PIEZO2: variants seen among roughly 807,000 people sequenced by gnomAD.
The protein encoded by PIEZO2 is piezo-type mechanosensitive ion channel component 2.
PIEZO2 carries 172 observed loss-of-function variants against 337.3 expected under a neutral mutation model. The ratio of observed to expected loss-of-function variants is 0.51; its 90% CI spans 0.45 to 0.58. The LOEUF (loss-of-function observed/expected upper bound fraction) is 0.58. Ranked by LOEUF, PIEZO2 falls within the 20% of genes least tolerant of loss-of-function variation. The pLI is 0.00. For synonymous variants in PIEZO2, 1,251 were observed against 1,228.5 expected (o/e 1.02, Z -0.38); for missense variants, 3,028 against 3,391.3 (o/e 0.89, Z 2.66).
Position 11,111,457 on chromosome 18 carries a change from G to A in PIEZO2, c.64+37068C>T, listed in dbSNP as rs1351807587. ...TACCATCTGGCAAAACTAGGCTCACGTGGCACGTGGCAACAATAGGCTGCC... is the reference window on the plus strand; with the variant it reads ...TACCATCTGGCAAAACTAGGCTCACATGGCACGTGGCAACAATAGGCTGCC... On this transcript the variant is annotated intron_variant, in intron 1 of 55. Coordinates refer to ENST00000674853, the MANE Select transcript of PIEZO2 (RefSeq NM_001378183.1). This position sits in a 1 kb window ranked among gnomAD's most constrained non-coding sequence, Gnocchi z 6.2. 2.0e-5 allele frequency among the ~76,000 whole-genome samples: 3 copies of A among 152,098 alleles called. No homozygotes were observed. The highest frequency in any genetic ancestry group is 4.4e-5 in the Non-Finnish European group (3 of 68,022).
At position 11,038,585 on chromosome 18, in the gene PIEZO2, C is replaced by T. The variant is rs2037005201; in HGVS notation, c.160+27542G>A. On this transcript the variant is annotated intron_variant, in intron 2 of 55. Transcript: ENST00000674853. This position sits in a 1 kb window ranked among gnomAD's most constrained non-coding sequence, Gnocchi z 4.1. ...ACTGAATGTATCTATGACCTGTGAA[C>T]ACCCCACAGTGCAGCTGAGGAGCAG... 6.6e-6 allele frequency among the ~76,000 whole-genome samples: 1 copy of T among 152,162 alleles called. No individual in the cohort carries two copies. The highest frequency in any genetic ancestry group is 1.9e-4 in the East Asian group (1 of 5,190).
intron 1 of PIEZO2, among the ~76,000 whole-genome samples, chr18:11,145,093 G>C (rs1478619992): frequency 6.6e-6 from 1 of 152,142 alleles, no homozygotes; most frequent in Admixed American, 6.5e-5. Context: ...GCATAATATG[G>C]AAAGTCTTTA....
intron 3 of PIEZO2, among the ~76,000 whole-genome samples, chr18:10,917,367 G>C (rs2031061934): frequency 6.6e-6 from 1 of 151,980 alleles, no homozygotes; most frequent in Non-Finnish European, 1.5e-5. Context: ...TTTTTAACAG[G>C]CTCCTTTCAT....
chr18:11,072,378 A>G (rs1355558156), intron 1 of PIEZO2, among the ~76,000 whole-genome samples: 1 of 152,208 alleles, frequency 6.6e-6, no homozygotes, highest in Non-Finnish European at 1.5e-5. Context: ...AATGTAATAA[A>G]TAGAACATTT....
chr18:10,757,348 A>T (rs2037913912), intron 27 of PIEZO2, among the ~76,000 whole-genome samples: 2 of 143,796 alleles, frequency 1.4e-5, no homozygotes, highest in Admixed American at 1.4e-4. Context: ...GAGAAGAGGA[A>T]TGGAGGGTGA....
intron 1 of PIEZO2, among the ~76,000 whole-genome samples, chr18:11,086,775 G>T (rs78620389): frequency 0.17 from 25,628 of 151,502 alleles, 2,437 homozygotes; most frequent in African/African-American, 0.24. Flanking sequence ...TTTTTAACAG[G>T]AAGAGGAGCT....
At chr18:10,705,315 A>G (rs931142502) in intron 41 of PIEZO2, 21 bp downstream of exon 41, 34 of 1,515,266 alleles carry the variant, frequency 2.2e-5, no homozygotes, top group Non-Finnish European at 3.0e-5. Flanking sequence ...TATGTGTCTG[A>G]TCTGTTCACT....
rs1238241692 is a variant in PIEZO2, at chr18:10,773,319, C to T, written c.2785+93G>A. 9.2e-6 allele frequency: 12 copies of T among 1,297,802 alleles called. No homozygotes were observed. The highest frequency in any genetic ancestry group is 1.5e-5 in the African/African-American group (1 of 67,952). The allele number at this position is 1,297,802 out of a possible 1,614,324, so 80.4% of individuals were successfully genotyped here. On this transcript the variant is annotated intron_variant, in intron 20 of 55. Coordinates refer to ENST00000674853, the MANE Select transcript of PIEZO2 (RefSeq NM_001378183.1). The surrounding 1 kb of genome is among the most constrained non-coding windows in gnomAD (Gnocchi z 5.3). ...CCAATTTTTATGTCATGGACTGGGT[C>T]AAATATATATTCTTTTGGAGCAAGT...
rs146404466 is a variant in PIEZO2, at chr18:10,759,294, T to C, written c.3757+188A>G. Reference sequence around the variant, plus strand: ...ATATGGCATTTCCAACACTGATTTATTAATTTTGCAAATGTAATAGGGTGA... The same window carrying C: ...ATATGGCATTTCCAACACTGATTTACTAATTTTGCAAATGTAATAGGGTGA... On this transcript the variant is annotated intron_variant, in intron 26 of 55. Transcript: ENST00000674853. The surrounding 1 kb of genome is among the most constrained non-coding windows in gnomAD (Gnocchi z 5.5). Among the ~76,000 whole-genome samples the C allele has an allele frequency of 1.5e-3, 221 of 152,276 alleles. No individual in the cohort carries two copies. The highest frequency in any genetic ancestry group is 4.4e-3 in the African/African-American group (181 of 41,556).
chr18:10,972,648 G>T (rs2034288579), intron 3 of PIEZO2, among the ~76,000 whole-genome samples: 2 of 152,134 alleles, frequency 1.3e-5, no homozygotes, highest in African/African-American at 4.8e-5. Context: ...AACAGCATTG[G>T]CAAGAAACTG....
intron 32 of PIEZO2, 140 bp downstream of exon 32, chr18:10,742,354 G>C (rs747886914): frequency 1.1e-6 from 1 of 942,416 alleles, no homozygotes; most frequent in South Asian, 1.8e-5. Context: ...ATTCACAATG[G>C]GAAAATAAAG....
chr18:10,886,199 G>T (rs2042573510), intron 4 of PIEZO2, among the ~76,000 whole-genome samples: 1 of 148,024 alleles, frequency 6.8e-6, no homozygotes, highest in Non-Finnish European at 1.5e-5. Context: ...GCGCATTTGT[G>T]TCAGATAAGT....
intron 2 of PIEZO2, among the ~76,000 whole-genome samples, chr18:11,010,059 A>G (rs140010755): frequency 1.9e-3 from 293 of 152,340 alleles, no homozygotes; most frequent in African/African-American, 6.9e-3. Flanking sequence ...GCATGAAAAG[A>G]AAAGCAGAAC....
intron 52 of PIEZO2, among the ~76,000 whole-genome samples, chr18:10,679,717 T>C (rs1235606874): frequency 1.3e-5 from 2 of 152,198 alleles, no homozygotes; most frequent in Non-Finnish European, 2.9e-5. Flanking sequence ...CTAAGATGCA[T>C]GAGGAAAACC....
chr18:11,054,450 A>G (rs1391963102), intron 2 of PIEZO2, among the ~76,000 whole-genome samples: 1 of 152,238 alleles, frequency 6.6e-6, no homozygotes. Context: ...CTAAAATCCT[A>G]GACACTGGAA....
At chr18:10,692,795 AGAAT>A (rs1195848506) in intron 47 of PIEZO2, among the ~76,000 whole-genome samples, 1 of 152,190 alleles carries the variant, frequency 6.6e-6, no homozygotes, top group Non-Finnish European at 1.5e-5. Flanking sequence ...GAGGGCAGGA[AGAAT>A]AAGTGCTCCA....
At chr18:11,034,294 C>CTTTTT in intron 2 of PIEZO2, among the ~76,000 whole-genome samples, 1 of 148,644 alleles carries the variant, frequency 6.7e-6, no homozygotes, top group Non-Finnish European at 1.5e-5. Flanking sequence ...CATTTCTTTT[C>CTTTTT]TTTTCTTTTT....
chr18:10,731,215 A>ATATATATATATATATATATATC (rs1290190163), intron 36 of PIEZO2, among the ~76,000 whole-genome samples, 192 bp downstream of exon 36: 1 of 128,722 alleles, frequency 7.8e-6, no homozygotes, highest in African/African-American at 2.9e-5. Flanking sequence ...ATATATATAT[A>ATATATATATATATATATATATC]TATCTCCTAA....
chr18:10,785,246 A>T (rs1206555925), intron 16 of PIEZO2, among the ~76,000 whole-genome samples: 2 of 152,178 alleles, frequency 1.3e-5, no homozygotes, highest in East Asian at 3.9e-4. Flanking sequence ...TGACACCATC[A>T]CACTCTCTTG....
Sources: gnomAD v4.1 joint callset for allele counts (sites outside exome capture counted in the v4.1 genomes callset) on GRCh38, gnomAD v4.1.1 for gene constraint, Gnocchi (gnomAD v3.1) non-coding constraint, MANE v1.5 for transcripts, NCBI Gene and HGNC (gene_info 2026-07-23, HGNC 2026-07-21) for gene names.